The following TJP1 variants were observed in gnomAD, a reference collection of about 807,000 sequenced individuals.
The protein encoded by TJP1 is tight junction protein ZO-1.
A neutral mutation model predicts 194.2 loss-of-function variants in TJP1; 43 were observed. The observed-to-expected ratio is 0.22, with a 90% CI of 0.17 to 0.29. The LOEUF (loss-of-function observed/expected upper bound fraction) is 0.29, where lower values mean the gene tolerates loss of function less well. Among genes scored for constraint, TJP1 ranks in the 10% least tolerant of loss-of-function variants. The probability of loss-of-function intolerance (pLI) is 1.00; values close to 1 mark genes in which losing one functional copy is unlikely to be tolerated. For missense variants in TJP1, 1,971 were observed against 2,185.7 expected (o/e 0.90, Z 1.96); for synonymous variants, 801 against 779.0 (o/e 1.03, Z -0.47).
intron 2 of TJP1, among the ~76,000 whole-genome samples, chr15:29,880,784 T>G (rs1193707264): frequency 1.3e-5 from 2 of 152,244 alleles, no homozygotes; most frequent in African/African-American, 4.8e-5. Flanking sequence ...CCTTCTCTTT[T>G]TAAGCCGAAC....
intron 2 of TJP1, among the ~76,000 whole-genome samples, chr15:29,876,869 A>C (rs746250810): frequency 3.3e-5 from 5 of 152,210 alleles, no homozygotes; most frequent in Admixed American, 6.5e-5. Flanking sequence ...CATATCCTGA[A>C]ACTGTTCCCA....
intron 2 of TJP1, among the ~76,000 whole-genome samples, chr15:29,786,427 T>C (rs576992739): frequency 6.3e-4 from 96 of 152,326 alleles, no homozygotes; most frequent in Admixed American, 2.2e-3. Context: ...ATTTACTTTA[T>C]TGCATGTATA....
chr15:29,862,130 T>A (rs1207964508), intron 2 of TJP1, among the ~76,000 whole-genome samples: 3 of 152,166 alleles, frequency 2.0e-5, no homozygotes, highest in Non-Finnish European at 2.9e-5. Flanking sequence ...TAGTCCAACA[T>A]CTTCATTTTA....
chr15:29,746,310 G>A (rs958028818), intron 8 of TJP1, among the ~76,000 whole-genome samples: 3 of 151,926 alleles, frequency 2.0e-5, no homozygotes, highest in African/African-American at 7.2e-5. Context: ...CCCGGGAGGC[G>A]GAGCTTGCAG....
intron 1 of TJP1, among the ~76,000 whole-genome samples, chr15:29,801,899 T>C (rs79931512): frequency 6.6e-6 from 1 of 151,002 alleles, no homozygotes; most frequent in African/African-American, 2.4e-5. Flanking sequence ...AAAAAAAAAT[T>C]ACAAAAAAAA....
chr15:29,700,568 CTTGT>C lies in TJP1; in HGVS notation c.*1023_*1026del. 5.0e-6 allele frequency: 2 copies of C among 397,560 alleles called. No homozygotes were observed. The allele number at this position is 397,560 out of a possible 1,614,324, so 24.6% of individuals were successfully genotyped here. A position where few individuals can be genotyped will look rare whatever the true frequency, so the allele number is the denominator to read the frequency against. On this transcript the variant is annotated 3_prime_UTR_variant, in exon 28 of 28. Transcript: ENST00000614355. Reference sequence around the variant, plus strand: ...CAAAGGTAGCCTTTAGAAACGTGGTCTTGTTTATGTATAAAAAAGGTAAAGTTTA... The same window carrying C: ...CAAAGGTAGCCTTTAGAAACGTGGTCTTATGTATAAAAAAGGTAAAGTTTA...
rs941421136 is a variant in TJP1 at position 29,718,501 on chromosome 15, A to G, written c.3641T>C (p.Phe1214Ser). Residue 1214 changes from phenylalanine to serine, a missense_variant, in exon 21 of 28, where the codon TTT becomes TCT. Transcript: ENST00000614355. Reference sequence around the variant, plus strand: ...AGCTGCAGCACCATGGAGAGGCTCAAAATGACCTGCTCTAGAGGTAAATCC... The same window carrying G: ...AGCTGCAGCACCATGGAGAGGCTCAGAATGACCTGCTCTAGAGGTAAATCC... ...PQGFTSRAGH[F>S]EPLHGAAAVP... 13 of 1,614,060 alleles carry G rather than the reference A, an allele frequency of 8.1e-6. No homozygotes were observed. Among genetic ancestry groups the G allele is most frequent in the Non-Finnish European group, 1.1e-5 (13 of 1,180,034 alleles).
chr15:29,902,012 A>G (rs1452373638), intron 2 of TJP1, among the ~76,000 whole-genome samples: 2 of 152,168 alleles, frequency 1.3e-5, no homozygotes, highest in African/African-American at 2.4e-5. Context: ...AATAATATGA[A>G]AAAAGAAGCC....
intron 8 of TJP1, chr15:29,760,418 A>C (rs1191926102): frequency 1.7e-6 from 1 of 596,836 alleles, no homozygotes; most frequent in Non-Finnish European, 3.0e-6. Context: ...CTCTGTCACC[A>C]AGGCTGGAGT....
chr15:29,813,253 A>T (rs2049655833), intron 1 of TJP1, among the ~76,000 whole-genome samples: 1 of 152,150 alleles, frequency 6.6e-6, no homozygotes. Flanking sequence ...AACTAAGACC[A>T]ACTTGATTTT....
At chr15:29,704,448 G>A (rs573198559) in intron 26 of TJP1, 143 bp from the exon 27 acceptor site, 4 of 905,350 alleles carry the variant, frequency 4.4e-6, no homozygotes, top group South Asian at 3.8e-5. Flanking sequence ...ACAAAAAAAC[G>A]TAACAGCAGC....
rs2046725891 is a variant in TJP1, at chr15:29,772,134, A to G, written c.242T>C (p.Val81Ala). 1.9e-6 allele frequency: 3 copies of G among 1,605,616 alleles called. No individual in the cohort carries two copies. The highest frequency in any genetic ancestry group is 2.5e-6 in the Non-Finnish European group (3 of 1,177,660). ...AGCATGTTCAACATTATCCATTGAAACTCCGTTAACCATTGCAACTCGGTC... is the reference window on the plus strand; with the variant it reads ...AGCATGTTCAACATTATCCATTGAAGCTCCGTTAACCATTGCAACTCGGTC... The part of the protein sequence containing the change: ...ENDRVAMVNG[V>A]SMDNVEHAFA... Residue 81 changes from valine to alanine, a missense_variant, in exon 4 of 28, where the codon GTT becomes GCT. Val to Ala is a moderately conservative substitution (Grantham distance 64). Around this residue, in one of 5 missense-constraint regions of TJP1, gnomAD observed 245 missense variants for 336.6 expected, o/e 0.73. Transcript: ENST00000614355.
rs1001829047 is a variant in TJP1 at position 29,968,187 on chromosome 15, T to C, written c.173+480A>G. ...AATGCAATAATAATTTCCCAACTTA[T>C]TCCCCTTGCCTTGCTCGTCCTCTAC... is the stretch of plus-strand genomic sequence containing the variant. On this transcript the variant is annotated intron_variant, in intron 1 of 28. Coordinates refer to the TJP1 transcript ENST00000356107. The C allele has an allele frequency of 7.1e-6, 7 of 985,314 alleles. No individual in the cohort carries two copies. In the African/African-American group the frequency reaches 8.7e-5, roughly 12 times the overall value. 61.0% of individuals were successfully genotyped at this position (985,314 alleles called of 1,614,324 possible).
At chr15:29,710,019 G>A (rs772410791) in intron 24 of TJP1, among the ~76,000 whole-genome samples, 4 of 152,000 alleles carry the variant, frequency 2.6e-5, no homozygotes, top group East Asian at 1.9e-4. Flanking sequence ...GGTGGTGTGC[G>A]CCTATAGTCC....
At chr15:29,810,556 A>C (rs1277365345) in intron 1 of TJP1, among the ~76,000 whole-genome samples, 1 of 152,192 alleles carries the variant, frequency 6.6e-6, no homozygotes, top group Non-Finnish European at 1.5e-5. Flanking sequence ...GCTGAATTTA[A>C]GGTGGTCTAA....
intron 8 of TJP1, among the ~76,000 whole-genome samples, chr15:29,752,906 C>T (rs1176975756): frequency 2.6e-5 from 4 of 152,012 alleles, no homozygotes; most frequent in African/African-American, 7.3e-5. Flanking sequence ...TCCAGTAGGT[C>T]GAGTTTCCAT....
chr15:29,841,599 G>A (rs528677849), intron 2 of TJP1, among the ~76,000 whole-genome samples: 1 of 152,132 alleles, frequency 6.6e-6, no homozygotes, highest in Admixed American at 6.6e-5. Context: ...TCATGTATAG[G>A]CTATAAAATC....
intron 2 of TJP1, among the ~76,000 whole-genome samples, chr15:29,779,852 T>C (rs1595868354): frequency 6.6e-6 from 1 of 152,134 alleles, no homozygotes; most frequent in Non-Finnish European, 1.5e-5. Flanking sequence ...AGGGGGTCAA[T>C]GTATCCCCCT....
At chr15:29,838,754 T>C (rs1462041582) in intron 2 of TJP1, among the ~76,000 whole-genome samples, 2 of 152,016 alleles carry the variant, frequency 1.3e-5, no homozygotes, top group Non-Finnish European at 2.9e-5. Context: ...ATGTTACTCC[T>C]TACAGCCTAC....
Sources: allele counts gnomAD v4.1 joint callset (sites outside exome capture counted in the v4.1 genomes callset), GRCh38; gene constraint gnomAD v4.1.1; regional missense constraint gnomAD v4.1.1; transcripts MANE v1.5; gene names NCBI Gene and HGNC (gene_info 2026-07-23, HGNC 2026-07-21).